NAV1: variants seen among roughly 807,000 people sequenced by gnomAD.
NAV1 encodes neuron navigator 1, also known as pore membrane and/or filament interacting like protein 3.
In NAV1, 18 loss-of-function variants were observed where a neutral mutation model predicts 175.2. That is an observed-to-expected ratio of 0.10 (90% CI 0.07 to 0.15). The LOEUF is 0.15. NAV1 is among the 10% of genes least tolerant of loss of function. NAV1 has a pLI of 1.00. For synonymous variants in NAV1, 897 were observed against 978.7 expected, an observed-to-expected ratio of 0.92 and a Z score of 1.56; for missense variants, 1,731 against 2,436.6, an observed-to-expected ratio of 0.71 and a Z score of 6.10.
At chr1:201,689,691 A>G (rs1670824510) in intron 1 of NAV1, among the ~76,000 whole-genome samples, 1 of 152,206 alleles carries the variant, frequency 6.6e-6, no homozygotes, top group South Asian at 2.1e-4. Flanking sequence ...GTGGCCGCCC[A>G]AGACCACGCT....
chr1:201,813,122 C>T lies in NAV1; in HGVS notation c.5222-18C>T. Reference sequence around the variant, plus strand: ...TCTAGGTTCCCAGCCATCTTCATGGCCCCATCCTCTTCCCTAGGCCCTTGC... The same window carrying T: ...TCTAGGTTCCCAGCCATCTTCATGGTCCCATCCTCTTCCCTAGGCCCTTGC... On this transcript the variant is annotated intron_variant, in intron 27 of 29. Coordinates refer to ENST00000367296, the Ensembl canonical transcript of NAV1. This position sits in a 1 kb window ranked among gnomAD's most constrained non-coding sequence, Gnocchi z 4.2. The T allele has an allele frequency of 6.3e-7, 1 of 1,579,572 alleles. No homozygotes were observed.
chr1:201,696,156 A>G (rs946398587), intron 1 of NAV1, among the ~76,000 whole-genome samples: 9 of 152,036 alleles, frequency 5.9e-5, no homozygotes, highest in African/African-American at 1.9e-4. Flanking sequence ...CTCCAGTCCC[A>G]CACATGTGTT....
intron 1 of NAV1, among the ~76,000 whole-genome samples, chr1:201,628,955 CT>C (rs538943612): frequency 1.5e-3 from 225 of 152,312 alleles, no homozygotes; most frequent in African/African-American, 5.2e-3. Flanking sequence ...TGTGTGCCCC[CT>C]GAGCTACCAG....
chr1:201,607,115 CTTTT>C (rs914962230), intron 2 of NAV1, among the ~76,000 whole-genome samples: 2 of 130,270 alleles, frequency 1.5e-5, no homozygotes, highest in Non-Finnish European at 1.7e-5. Context: ...TAATTTTTTT[CTTTT>C]TTTTTTTTTT....
chr1:201,784,391 C>T (rs1676550805), intron 7 of NAV1, among the ~76,000 whole-genome samples: 1 of 152,140 alleles, frequency 6.6e-6, no homozygotes, highest in Admixed American at 6.5e-5. Context: ...CTCCTGACCT[C>T]AAGTGATCTG....
chr1:201,779,720 T>C (rs1445319156), intron 3 of NAV1, among the ~76,000 whole-genome samples: 1 of 151,964 alleles, frequency 6.6e-6, no homozygotes, highest in East Asian at 1.9e-4. Context: ...GATACAGATG[T>C]TTACAGATAA....
At chr1:201,734,499 G>GAGAAGAAGAAGA (rs60196611) in intron 3 of NAV1, among the ~76,000 whole-genome samples, 23,171 of 121,412 alleles carry the variant, frequency 0.19, 2,574 homozygotes, top group Middle Eastern at 0.3. Context: ...GAAGGAGAAG[G>GAGAAGAAGAAGA]AGAAGAAGAA....
At chr1:201,614,370 A>G (rs974759290) in intron 2 of NAV1, among the ~76,000 whole-genome samples, 10 of 152,054 alleles carry the variant, frequency 6.6e-5, no homozygotes, top group Non-Finnish European at 5.9e-5. Flanking sequence ...TGTGCCCCCA[A>G]CCCCGGCAGC....
At chr1:201,602,514 T>A (rs529208393) in intron 2 of NAV1, among the ~76,000 whole-genome samples, 1 of 152,228 alleles carries the variant, frequency 6.6e-6, no homozygotes, top group South Asian at 2.1e-4. Flanking sequence ...TAATTTGTTT[T>A]GTGTTTTTAG....
chr1:201,718,554 C>T lies in NAV1; in HGVS notation c.1025C>T (p.Thr342Met). The change falls in exon 3 of 30, where the codon ACG becomes ATG. Residue 342 changes from threonine (T) to methionine (M), a missense_variant. Transcript: ENST00000367296. This position sits in a 1 kb window ranked among gnomAD's most constrained non-coding sequence, Gnocchi z 4.8. The stretch of plus-strand genomic sequence containing the variant: ...GGTGGGAGCTGCCGCTCGGAGGGGA[C>T]GCCCGCCTGGTACATGCACGGCGAA... The T allele has an allele frequency of 1.2e-6, 2 of 1,613,600 alleles. No homozygotes were observed. Among genetic ancestry groups the T allele is most frequent in the Non-Finnish European group, 1.7e-6 (2 of 1,179,802 alleles).
At chr1:201,671,971 G>A (rs947498197) in intron 1 of NAV1, among the ~76,000 whole-genome samples, 4 of 152,074 alleles carry the variant, frequency 2.6e-5, no homozygotes, top group Non-Finnish European at 5.9e-5. Context: ...TCCGCATCCC[G>A]GCCTCTCTCC....
intron 3 of NAV1, among the ~76,000 whole-genome samples, chr1:201,774,350 G>T (rs917955063): frequency 3.9e-5 from 6 of 152,194 alleles, no homozygotes; most frequent in African/African-American, 1.2e-4. Context: ...TGACCAGGCA[G>T]TTGCTTTGCA....
intron 1 of NAV1, among the ~76,000 whole-genome samples, chr1:201,659,443 A>G (rs1426896801): frequency 6.6e-6 from 1 of 152,152 alleles, no homozygotes; most frequent in Non-Finnish European, 1.5e-5. Flanking sequence ...AAGCAAGACT[A>G]CATCCGTACA....
intron 1 of NAV1, among the ~76,000 whole-genome samples, chr1:201,546,924 A>G (rs910017611): frequency 6.6e-6 from 1 of 151,496 alleles, no homozygotes; most frequent in Non-Finnish European, 1.5e-5. Flanking sequence ...AAAAAAAAGT[A>G]ATTTGTTGAC....
rs115042560 is a variant in NAV1, at chr1:201,801,851, G to A, written c.3518-1742G>A. ...GCAAATTTCATTTAAAAGACATTGAGGGGGCCAAGCACGGTAGCTCACCCC... is the reference window on the plus strand; with the variant it reads ...GCAAATTTCATTTAAAAGACATTGAAGGGGCCAAGCACGGTAGCTCACCCC... On this transcript the variant is annotated intron_variant, in intron 15 of 29. Transcript: ENST00000367296. Among the ~76,000 whole-genome samples the A allele has an allele frequency of 9.8e-3, 1,483 of 152,046 alleles. 12 individuals carry two copies. Among genetic ancestry groups the A allele is most frequent in the Non-Finnish European group, 0.015 (1,032 of 67,956 alleles).
chr1:201,794,205 G>A, intron 14 of NAV1: 1 of 632,262 alleles, frequency 1.6e-6, no homozygotes, highest in Non-Finnish European at 2.9e-6. Flanking sequence ...AGGCTGGAGT[G>A]CACTGGCGCG....
rs1002770053 is a variant in NAV1, at chr1:201,540,962, C to T, written c.-144+1620C>T. ...GGCTCCAGCCCCTAGGGTCTATTTC[C>T]TGAACTTTCCAGGTGAAAGAGAACA... On this transcript the variant is annotated intron_variant, in intron 1 of 33. Coordinates refer to the NAV1 transcript ENST00000685211. 5.3e-5 allele frequency among the ~76,000 whole-genome samples: 8 copies of T among 152,334 alleles called. No homozygotes were observed. The East Asian group carries it at 1.2e-3, about 22-fold the overall frequency.
chr1:201,680,629 G>T (rs570296559), intron 1 of NAV1, among the ~76,000 whole-genome samples: 55 of 152,276 alleles, frequency 3.6e-4, no homozygotes, highest in African/African-American at 1.3e-3. Context: ...GAGGGATCTG[G>T]CCCCATGACT....
Position 201,782,740 on chromosome 1 carries a change from C to T in NAV1, c.2228C>T (p.Ala743Val), listed in dbSNP as rs1466230698. The T allele has an allele frequency of 1.2e-6, 2 of 1,614,172 alleles. No individual in the cohort carries two copies. Among genetic ancestry groups the T allele is most frequent in the Admixed American group, 3.3e-5 (2 of 60,028 alleles). Reference sequence around the variant, plus strand: ...GATCGGGAAAAGGAGAAGGCCAAAGCCAAGGCAGTGGCCTTGGACTCAGAC... The same window carrying T: ...GATCGGGAAAAGGAGAAGGCCAAAGTCAAGGCAGTGGCCTTGGACTCAGAC... Residue 743 changes from alanine (A) to valine (V), a missense_variant, in exon 6 of 30, where the codon GCC becomes GTC. Ala to Val is a moderately conservative substitution (Grantham distance 64, BLOSUM62 0). This residue lies in a region of NAV1 where 634 missense variants were observed against 766.8 expected (regional missense o/e 0.83). Transcript: ENST00000367296. This position sits in a 1 kb window ranked among gnomAD's most constrained non-coding sequence, Gnocchi z 5.4.
Sources: gnomAD v4.1 joint callset for allele counts (sites outside exome capture counted in the v4.1 genomes callset) on GRCh38, gnomAD v4.1.1 for gene constraint, gnomAD v4.1.1 regional missense constraint, Gnocchi (gnomAD v3.1) non-coding constraint, MANE v1.5 for transcripts, NCBI Gene and HGNC (gene_info 2026-07-23, HGNC 2026-07-21) for gene names.